Variants in COBL observed in about 807,000 individuals in gnomAD.
The protein encoded by COBL is cordon-bleu WH2 repeat protein.
COBL carries 51 observed loss-of-function variants against 98.8 expected under a neutral mutation model. The observed-to-expected ratio is 0.52, with a 90% CI of 0.41 to 0.65. The LOEUF (loss-of-function observed/expected upper bound fraction) is 0.65, where lower values mean the gene tolerates loss of function less well. Ranked by LOEUF, COBL falls within the 30% of genes least tolerant of loss-of-function variation. The probability of loss-of-function intolerance (pLI) is 0.00; values close to 1 mark genes in which losing one functional copy is unlikely to be tolerated. For synonymous variants in COBL, 634 were observed against 651.7 expected (o/e 0.97, Z 0.41); for missense variants, 1,617 against 1,617.5 (o/e 1.00, Z 0.01).
chr7:51,268,553 A>G (rs1406996845), intron 1 of COBL, among the ~76,000 whole-genome samples: 1 of 152,176 alleles, frequency 6.6e-6, no homozygotes, highest in African/African-American at 2.4e-5. Flanking sequence ...TGTTTAAGGG[A>G]TGTGATCTTC....
At chr7:51,180,873 T>C (rs115859823) in intron 5 of COBL, among the ~76,000 whole-genome samples, 2,157 of 152,352 alleles carry the variant, frequency 0.014, 49 homozygotes, top group African/African-American at 0.05. Context: ...TTTCTGACTA[T>C]AATCCAATCC....
In COBL at chr7:51,016,895, T is replaced by C; in HGVS notation, c.*656A>G. ...TGGCCACATGATCACGTAGGACTGTTTTCTGGGTGGTAATAGTTGATTTTT... is the reference window on the plus strand; with the variant it reads ...TGGCCACATGATCACGTAGGACTGTCTTCTGGGTGGTAATAGTTGATTTTT... On this transcript the variant is annotated 3_prime_UTR_variant, in exon 13 of 13. Coordinates refer to ENST00000265136, the MANE Select transcript of COBL (RefSeq NM_015198.5). 1 of 399,620 alleles carries C rather than the reference T, an allele frequency of 2.5e-6. No individual in the cohort carries two copies. Among genetic ancestry groups the C allele is most frequent in the Non-Finnish European group, 4.4e-6 (1 of 226,876 alleles). 24.8% of individuals were successfully genotyped at this position (399,620 alleles called of 1,614,324 possible). A position where few individuals can be genotyped will look rare whatever the true frequency, so the allele number is the denominator to read the frequency against.
Position 51,028,944 on chromosome 7 carries a change from G to A in COBL, c.2152C>T (p.Arg718Ter), listed in dbSNP as rs372919855. The change falls in exon 10 of 13, where the codon CGA (arginine) becomes TGA (stop). Residue 718 changes from arginine (R) to a stop codon, truncating the protein, a stop_gained. Transcript: ENST00000265136. LOFTEE classifies it high-confidence loss of function. ...AGGGACACATCTCTGTCGTAACATC[G>A]CATCTCTGACTTTGGAGGAATGATT... ...YKIIPPKSEM[R>*]CYDRDVSLST... 3.7e-6 allele frequency: 6 copies of A among 1,614,036 alleles called. No individual in the cohort carries two copies. In the African/African-American group the frequency reaches 4.0e-5, roughly 11 times the overall value.
chr7:51,302,831 C>T (rs1343134018), intron 1 of COBL, among the ~76,000 whole-genome samples: 1 of 152,146 alleles, frequency 6.6e-6, no homozygotes, highest in African/African-American at 2.4e-5. Context: ...TAATAAATTA[C>T]CATTTTTAAA....
intron 1 of COBL, among the ~76,000 whole-genome samples, chr7:51,229,003 AC>A (rs1584246921): frequency 1.3e-5 from 2 of 152,132 alleles, no homozygotes; most frequent in East Asian, 3.9e-4. Flanking sequence ...TGATTCCCAA[AC>A]CACCAGGCAA....
At chr7:51,095,610 A>G (rs1422234900) in intron 6 of COBL, among the ~76,000 whole-genome samples, 1 of 152,138 alleles carries the variant, frequency 6.6e-6, no homozygotes, top group Non-Finnish European at 1.5e-5. Flanking sequence ...TGAATGGATT[A>G]AAAAACAAGA....
At chr7:51,306,692 A>G (rs1802507885) in intron 1 of COBL, among the ~76,000 whole-genome samples, 1 of 152,186 alleles carries the variant, frequency 6.6e-6, no homozygotes, top group Non-Finnish European at 1.5e-5. Context: ...CACACCACGT[A>G]TTTCTTTGAA....
chr7:51,179,366 T>C (rs187912012), intron 5 of COBL, among the ~76,000 whole-genome samples: 183 of 152,054 alleles, frequency 1.2e-3, no homozygotes, highest in Admixed American at 2.3e-3. Flanking sequence ...TATTTTGTAT[T>C]TTTGTATTTA....
At chr7:51,245,795 G>A (rs1371485732) in intron 1 of COBL, among the ~76,000 whole-genome samples, 1 of 152,110 alleles carries the variant, frequency 6.6e-6, no homozygotes, top group African/African-American at 2.4e-5. Flanking sequence ...ATAAGCAAAA[G>A]GCACCTCGCA....
chr7:51,280,819 G>A lies in COBL; in HGVS notation c.41+35774C>T, dbSNP rs189155167. On this transcript the variant is annotated intron_variant, in intron 1 of 12. Coordinates refer to ENST00000265136, the MANE Select transcript of COBL (RefSeq NM_015198.5). Reference sequence around the variant, plus strand: ...GCAGAAACATGAGAAGATCTGAAGAGCACTGTACAGACTTTCAAACTTAAC... The same window carrying A: ...GCAGAAACATGAGAAGATCTGAAGAACACTGTACAGACTTTCAAACTTAAC... Among the ~76,000 whole-genome samples, 332 of 152,292 alleles carry A rather than the reference G, an allele frequency of 2.2e-3. 2 individuals carry two copies. The highest frequency in any genetic ancestry group is 3.7e-3 in the Non-Finnish European group (255 of 68,032).
At chr7:51,261,680 C>T (rs962739620) in intron 1 of COBL, among the ~76,000 whole-genome samples, 3 of 151,934 alleles carry the variant, frequency 2.0e-5, no homozygotes, top group African/African-American at 7.3e-5. Flanking sequence ...GAAGGCAGCC[C>T]GAGGGGCCAG....
intron 2 of COBL, among the ~76,000 whole-genome samples, chr7:51,206,771 G>A (rs1791770816): frequency 6.6e-6 from 1 of 152,176 alleles, no homozygotes; most frequent in Non-Finnish European, 1.5e-5. Flanking sequence ...AAGCCAGACA[G>A]AAAGACAAAC....
At chr7:51,065,219 T>G (rs1346264551) in intron 7 of COBL, 1 of 703,306 alleles carries the variant, frequency 1.4e-6, no homozygotes, top group Non-Finnish European at 2.6e-6. Flanking sequence ...TGTGCGTGTG[T>G]GTGTCTAAGT....
At chr7:51,310,296 G>A (rs1802890223) in intron 1 of COBL, among the ~76,000 whole-genome samples, 1 of 152,172 alleles carries the variant, frequency 6.6e-6, no homozygotes, top group South Asian at 2.1e-4. Context: ...CATCAGGATG[G>A]GCCTGCAGGC....
chr7:51,173,841 T>C (rs1788110560), intron 5 of COBL, among the ~76,000 whole-genome samples: 1 of 152,226 alleles, frequency 6.6e-6, no homozygotes, highest in Admixed American at 6.5e-5. Context: ...AGATATTTGC[T>C]ATCCTTTATT....
intron 5 of COBL, among the ~76,000 whole-genome samples, chr7:51,178,640 G>T (rs976218128): frequency 2.0e-5 from 3 of 151,402 alleles, no homozygotes; most frequent in Admixed American, 1.3e-4. Context: ...TTTTTTTTGA[G>T]ACAGTCTCGC....
chr7:51,213,217 G>A (rs1447696429), intron 2 of COBL, among the ~76,000 whole-genome samples: 1 of 152,134 alleles, frequency 6.6e-6, no homozygotes, highest in African/African-American at 2.4e-5. Flanking sequence ...TACAGCAGCG[G>A]TCCCCAACCG....
Position 51,028,987 on chromosome 7 carries a change from G to A in COBL, c.2109C>T (p.His703=), listed in dbSNP as rs574600045. The part of the protein sequence containing the change: ...QNPGKSYRLK[H]GLTTYKIIPP... ...GAATGATTTTATACGTTGTGAGGCC[G>A]TGCTTAAGTCTGTAGCTTTTCCCTG... The change falls in exon 10 of 13, where the codon CAC becomes CAT. Residue 703 remains histidine, a synonymous_variant. Coordinates refer to ENST00000265136, the MANE Select transcript of COBL (RefSeq NM_015198.5). 6.8e-6 allele frequency: 11 copies of A among 1,614,158 alleles called. No individual in the cohort carries two copies. The highest frequency in any genetic ancestry group is 3.3e-5 in the South Asian group (3 of 91,078).
At position 51,193,513 on chromosome 7, in the gene COBL, G is replaced by A. The variant is rs202232985; in HGVS notation, c.322C>T (p.Arg108Trp). The change falls in exon 3 of 13, where the codon CGG (arginine) becomes TGG (tryptophan). Residue 108 changes from arginine (R) to tryptophan (W), a missense_variant. Coordinates refer to ENST00000265136, the MANE Select transcript of COBL (RefSeq NM_015198.5). ...LNPSHHALEI[R>W]SSETQQPLSF... is the part of the protein sequence containing the mutation. ...AAAGGTTGTTGGGTTTCTGAAGACC[G>A]AATTTCAAGGGCATGGTGGGATGGA... The A allele has an allele frequency of 6.8e-6, 11 of 1,614,188 alleles. No individual in the cohort carries two copies. Among genetic ancestry groups the A allele is most frequent in the Admixed American group, 5.0e-5 (3 of 60,022 alleles).
Sources: gnomAD v4.1 joint callset for allele counts (sites outside exome capture counted in the v4.1 genomes callset) on GRCh38, gnomAD v4.1.1 for gene constraint, MANE v1.5 for transcripts, NCBI Gene and HGNC (gene_info 2026-07-23, HGNC 2026-07-21) for gene names.